The following TPST1 variants were observed in gnomAD, a reference collection of about 807,000 sequenced individuals.
TPST1 encodes the protein tyrosylprotein sulfotransferase 1, also known as protein-tyrosine sulfotransferase 1.
A neutral mutation model predicts 34.8 loss-of-function variants in TPST1; 20 were observed. The observed-to-expected ratio is 0.57, with a 90% CI of 0.40 to 0.84. The LOEUF is 0.84. Among genes scored for constraint, TPST1 ranks in the 40% least tolerant of loss-of-function variants. The probability of loss-of-function intolerance (pLI) is 0.00; values close to 1 mark genes in which losing one functional copy is unlikely to be tolerated. For missense variants in TPST1, 353 were observed against 455.5 expected (o/e 0.78, Z 2.05); for synonymous variants, 152 against 159.4 (o/e 0.95, Z 0.35).
chr7:66,202,993 T>C (rs1379310171), upstream of TPST1, among the ~76,000 whole-genome samples: 1 of 152,086 alleles, frequency 6.6e-6, no homozygotes, highest in Non-Finnish European at 1.5e-5. Context: ...GAAGAATCAC[T>C]TGAACTCGGG....
intron 2 of TPST1, among the ~76,000 whole-genome samples, chr7:66,260,297 T>C (rs1366662020): frequency 6.6e-6 from 1 of 152,254 alleles, no homozygotes; most frequent in Non-Finnish European, 1.5e-5. Context: ...GGTGATTTTA[T>C]ACAATATTTT....
upstream of TPST1, among the ~76,000 whole-genome samples, chr7:66,204,441 C>G (rs1295015934): frequency 6.6e-6 from 1 of 152,214 alleles, no homozygotes; most frequent in East Asian, 1.9e-4. Flanking sequence ...GTCTCGAACT[C>G]CTGACCTCAG....
intron 2 of TPST1, among the ~76,000 whole-genome samples, chr7:66,281,900 T>G (rs1790939978): frequency 6.6e-6 from 1 of 152,208 alleles, no homozygotes; most frequent in Non-Finnish European, 1.5e-5. Context: ...CATTCAAGAC[T>G]TTGGCATAGA....
At chr7:66,203,240 ATT>A, upstream of TPST1, among the ~76,000 whole-genome samples, 1 of 145,738 alleles carries the variant, frequency 6.9e-6, no homozygotes. Flanking sequence ...TATAATTATT[ATT>A]TTTTTTTTTG....
At chr7:66,352,402 G>GC in intron 3 of TPST1, 103 bp from the exon 4 acceptor site, 1 of 1,536,506 alleles carries the variant, frequency 6.5e-7, no homozygotes, top group Non-Finnish European at 8.7e-7. Context: ...AAACTCACCA[G>GC]CAGTGGAGCA....
At chr7:66,252,429 C>T (rs1211049695) in intron 2 of TPST1, among the ~76,000 whole-genome samples, 1 of 150,540 alleles carries the variant, frequency 6.6e-6, no homozygotes, top group Non-Finnish European at 1.5e-5. Flanking sequence ...GATCTCTGCC[C>T]ACTGCAAGCT....
chr7:66,236,048 A>T (rs566687021), intron 1 of TPST1, among the ~76,000 whole-genome samples: 110 of 150,970 alleles, frequency 7.3e-4, no homozygotes, highest in Non-Finnish European at 1.1e-3. Context: ...GCTTTTTTTT[A>T]AAAAAAGGAA....
At chr7:66,309,186 A>C (rs2116105175) in intron 3 of TPST1, among the ~76,000 whole-genome samples, 1 of 152,346 alleles carries the variant, frequency 6.6e-6, no homozygotes, top group East Asian at 1.9e-4. Context: ...GGCATGAGCC[A>C]CTGCACCTGG....
chr7:66,251,145 A>G (rs1286238916), intron 2 of TPST1, among the ~76,000 whole-genome samples: 1 of 152,232 alleles, frequency 6.6e-6, no homozygotes, highest in Admixed American at 6.5e-5. Flanking sequence ...ATAACTATCC[A>G]TAGGGTTGTC....
At chr7:66,234,673 T>A (rs2116368778) in intron 1 of TPST1, among the ~76,000 whole-genome samples, 1 of 152,120 alleles carries the variant, frequency 6.6e-6, no homozygotes, top group East Asian at 1.9e-4. Context: ...TTTTGTTTGT[T>A]TGTTTGTTTG....
At chr7:66,235,684 C>T (rs542484520) in intron 1 of TPST1, among the ~76,000 whole-genome samples, 20 of 152,224 alleles carry the variant, frequency 1.3e-4, no homozygotes, top group African/African-American at 4.6e-4. Flanking sequence ...TTGGGGAACA[C>T]GCCTGTGAAG....
intron 2 of TPST1, among the ~76,000 whole-genome samples, chr7:66,243,988 G>A (rs1055431356): frequency 1.5e-5 from 2 of 131,590 alleles, no homozygotes; most frequent in African/African-American, 5.9e-5. Context: ...TTGCTCTGTC[G>A]CCCAGGCTGG....
chr7:66,264,121 T>A (rs190703757), intron 2 of TPST1, among the ~76,000 whole-genome samples: 7 of 152,310 alleles, frequency 4.6e-5, no homozygotes, highest in African/African-American at 1.4e-4. Flanking sequence ...TTGTCTCTAT[T>A]TCTCCTGACT....
chr7:66,269,937 A>C (rs1433803152), intron 2 of TPST1, among the ~76,000 whole-genome samples: 1 of 152,176 alleles, frequency 6.6e-6, no homozygotes, highest in East Asian at 1.9e-4. Flanking sequence ...GGGCAATACA[A>C]AAAACATGAT....
chr7:66,245,167 A>G (rs1790121673), intron 2 of TPST1, among the ~76,000 whole-genome samples: 1 of 152,234 alleles, frequency 6.6e-6, no homozygotes, highest in African/African-American at 2.4e-5. Context: ...GTTTTGTTAA[A>G]GAAAAAATTA....
intron 2 of TPST1, among the ~76,000 whole-genome samples, chr7:66,252,967 A>G (rs1198221775): frequency 6.6e-6 from 1 of 152,164 alleles, no homozygotes; most frequent in Non-Finnish European, 1.5e-5. Flanking sequence ...CCATCTATGG[A>G]AATACAGTCA....
At chr7:66,277,566 A>T (rs1161179787) in intron 2 of TPST1, among the ~76,000 whole-genome samples, 1 of 152,162 alleles carries the variant, frequency 6.6e-6, no homozygotes, top group Middle Eastern at 3.2e-3. Context: ...ATTTGGTGAG[A>T]TGAAAACTAT....
intron 1 of TPST1, among the ~76,000 whole-genome samples, chr7:66,220,196 ATCAG>A (rs1789513566): frequency 6.6e-6 from 1 of 152,202 alleles, no homozygotes; most frequent in Non-Finnish European, 1.5e-5. Context: ...TTTTAGCAGG[ATCAG>A]TCAATGCACA....
intron 3 of TPST1, among the ~76,000 whole-genome samples, chr7:66,343,257 G>A (rs914753305): frequency 7.9e-5 from 12 of 152,132 alleles, no homozygotes; most frequent in African/African-American, 2.4e-4. Flanking sequence ...TTGTAACAAC[G>A]TGGGTACAGC....
Sources: gnomAD v4.1 joint callset for allele counts (sites outside exome capture counted in the v4.1 genomes callset) on GRCh38, gnomAD v4.1.1 for gene constraint, MANE v1.5 for transcripts, NCBI Gene and HGNC (gene_info 2026-07-23, HGNC 2026-07-21) for gene names.